The following ARAP2 variants were observed in gnomAD, a reference collection of about 807,000 sequenced individuals.
The protein encoded by ARAP2 is arf-GAP with Rho-GAP domain, ANK repeat and PH domain-containing protein 2.
Under a neutral mutation model 194.5 loss-of-function variants are expected in ARAP2, and 148 were observed. That is an observed-to-expected ratio of 0.76 (90% CI 0.67 to 0.87). The LOEUF is 0.87. ARAP2 is among the 40% of genes least tolerant of loss of function. The pLI is 0.00. For missense variants in ARAP2, 2,128 were observed against 1,989.7 expected (o/e 1.07, Z -1.32); for synonymous variants, 695 against 683.5 (o/e 1.02, Z -0.26).
intron 15 of ARAP2, among the ~76,000 whole-genome samples, chr4:36,156,345 GA>G (rs1732324218): frequency 4.4e-5 from 1 of 22,646 alleles, no homozygotes; most frequent in South Asian, 2.7e-3. Context: ...GGGAAAGAGA[GA>G]GAGAGAGAGA....
intron 26 of ARAP2, among the ~76,000 whole-genome samples, chr4:36,111,377 C>A (rs866015762): frequency 1.3e-5 from 2 of 151,884 alleles, no homozygotes; most frequent in Non-Finnish European, 2.9e-5. Flanking sequence ...CCCACATAAC[C>A]ACAGGCCCTT....
At chr4:36,031,576 T>C (rs548226579) in intron 5 of ARAP2, among the ~76,000 whole-genome samples, 2 of 152,274 alleles carry the variant, frequency 1.3e-5, no homozygotes, top group East Asian at 1.9e-4. Context: ...GAAAGCTAAA[T>C]TGGATCTCAT....
At chr4:36,129,279 A>G (rs1428915063) in intron 20 of ARAP2, among the ~76,000 whole-genome samples, 3 of 151,926 alleles carry the variant, frequency 2.0e-5, no homozygotes, top group Non-Finnish European at 4.4e-5. Flanking sequence ...GATGATGACA[A>G]TGACAATAAT....
At chr4:36,110,850 G>C (rs1719780815) in intron 26 of ARAP2, among the ~76,000 whole-genome samples, 1 of 151,862 alleles carries the variant, frequency 6.6e-6, no homozygotes, top group South Asian at 2.1e-4. Context: ...ATCTGAATTA[G>C]TAGCTGCCAC....
chr4:36,138,545 T>A (rs543850636), intron 19 of ARAP2, among the ~76,000 whole-genome samples: 9 of 151,760 alleles, frequency 5.9e-5, no homozygotes, highest in African/African-American at 1.9e-4. Flanking sequence ...TTAATATAGG[T>A]CCCTTTATAA....
chr4:36,064,303 G>A (rs987670109), downstream of ARAP2, among the ~76,000 whole-genome samples: 13 of 151,640 alleles, frequency 8.6e-5, no homozygotes, highest in Non-Finnish European at 1.8e-4. Context: ...CCTCCTTAGA[G>A]GTGGAAATAA....
At chr4:36,176,371 G>T (rs1432938637) in intron 9 of ARAP2, among the ~76,000 whole-genome samples, 1 of 152,058 alleles carries the variant, frequency 6.6e-6, no homozygotes, top group Non-Finnish European at 1.5e-5. Flanking sequence ...ATAATTTCAT[G>T]TACATTTTCA....
At chr4:36,082,226 C>T (rs1355821407) in intron 30 of ARAP2, 25 bp downstream of exon 30, 2 of 1,602,474 alleles carry the variant, frequency 1.2e-6, no homozygotes, top group Non-Finnish European at 1.7e-6. Flanking sequence ...ATATTATGTC[C>T]AAAAGTTGTC....
chr4:36,147,126 T>C (rs138560381), intron 19 of ARAP2, among the ~76,000 whole-genome samples, 170 bp downstream of exon 19: 1 of 152,174 alleles, frequency 6.6e-6, no homozygotes, highest in East Asian at 1.9e-4. Flanking sequence ...ATATCATTGG[T>C]ATAGTCTTTC....
intron 27 of ARAP2, among the ~76,000 whole-genome samples, chr4:36,095,502 C>T (rs1714911961): frequency 6.6e-6 from 1 of 151,916 alleles, no homozygotes; most frequent in Non-Finnish European, 1.5e-5. Context: ...CAAAGCAAAA[C>T]CAAAAAGCAC....
chr4:36,018,334 C>T lies in ARAP2; in HGVS notation n.750+810G>A, dbSNP rs561503403. Among the ~76,000 whole-genome samples the T allele has an allele frequency of 1.4e-3, 220 of 151,818 alleles. 2 individuals are homozygous for T. Among genetic ancestry groups the T allele is most frequent in the African/African-American group, 4.3e-3 (176 of 41,366 alleles). ...AATTGTCAACCCAACCCACTTGCTC[C>T]GATATTTGGTATTTGTTACAAAGCA... On this transcript the variant is annotated intron_variant and non_coding_transcript_variant, in intron 6 of 12. Transcript: ENST00000503225.
chr4:36,006,907 G>C (rs569961831), exon 10 of ARAP2: 1 of 152,138 alleles, frequency 6.6e-6, no homozygotes, highest in East Asian at 1.9e-4. Context: ...AAGTACCCAG[G>C]TGAGGTGGTG....
Position 36,067,773 on chromosome 4 carries a change from T to C in ARAP2, c.*134A>G, listed in dbSNP as rs1202418724. On this transcript the variant is annotated 3_prime_UTR_variant, in exon 33 of 33. Transcript: ENST00000303965. ...TACATATTTTTAAATGCTCCTTAAA[T>C]GCCTAAGCATAGACAAATTTGCCTA... 2.2e-6 allele frequency: 2 copies of C among 928,754 alleles called. No individual in the cohort carries two copies. Among genetic ancestry groups the C allele is most frequent in the Admixed American group, 3.0e-5 (1 of 33,098 alleles). 57.5% of individuals were successfully genotyped at this position (928,754 alleles called of 1,614,324 possible).
At chr4:36,244,529 CGGGGAGCAGGCGCCCCGCGCG>C (rs1754295881), upstream of ARAP2, 1 of 151,202 alleles carries the variant, frequency 6.6e-6, no homozygotes, top group Admixed American at 6.6e-5. Flanking sequence ...CCCGCGGGGG[CGGGGAGCAGGCGCCCCGCGCG>C]GGGGAAGCCG....
At chr4:36,039,609 C>A (rs1461942296) in intron 5 of ARAP2, among the ~76,000 whole-genome samples, 3 of 152,146 alleles carry the variant, frequency 2.0e-5, no homozygotes, top group Non-Finnish European at 4.4e-5. Context: ...CATACTCACA[C>A]TCTAAATTTG....
At chr4:36,195,741 C>T (rs1356596204) in intron 6 of ARAP2, among the ~76,000 whole-genome samples, 2 of 152,184 alleles carry the variant, frequency 1.3e-5, no homozygotes, top group Non-Finnish European at 2.9e-5. Context: ...CCTGATGACC[C>T]GATCCAAAGT....
intron 28 of ARAP2, among the ~76,000 whole-genome samples, chr4:36,087,656 C>T (rs1011332322): frequency 6.6e-6 from 1 of 152,100 alleles, no homozygotes; most frequent in Non-Finnish European, 1.5e-5. Context: ...TTCCCTGTGG[C>T]AGATATTAAA....
chr4:36,110,682 T>C (rs1719729843), intron 26 of ARAP2, among the ~76,000 whole-genome samples: 2 of 151,964 alleles, frequency 1.3e-5, no homozygotes, highest in African/African-American at 4.8e-5. Flanking sequence ...TAAAATATTT[T>C]AAATGGTTAT....
chr4:36,027,395 G>T (rs764340944), intron 5 of ARAP2, among the ~76,000 whole-genome samples: 31 of 151,342 alleles, frequency 2.0e-4, no homozygotes, highest in Non-Finnish European at 7.4e-5. Flanking sequence ...AGCCTCCCTC[G>T]GTGCCTTTGT....
Sources: allele counts gnomAD v4.1 joint callset (sites outside exome capture counted in the v4.1 genomes callset), GRCh38; gene constraint gnomAD v4.1.1; transcripts MANE v1.5; gene names NCBI Gene and HGNC (gene_info 2026-07-23, HGNC 2026-07-21).